COLEC11: variants seen among roughly 807,000 people sequenced by gnomAD.
COLEC11 encodes the protein collectin-11.
Under a neutral mutation model 27.3 loss-of-function variants are expected in COLEC11, and 20 were observed. The ratio of observed to expected loss-of-function variants is 0.73; its 90% confidence interval spans 0.51 to 1.06. The LOEUF (loss-of-function observed/expected upper bound fraction) is 1.06, where lower values mean the gene tolerates loss of function less well. Ranked by LOEUF, COLEC11 falls within the 50% of genes least tolerant of loss-of-function variation. COLEC11 has a pLI of 0.00. For synonymous variants in COLEC11, 163 were observed against 154.7 expected, an observed-to-expected ratio of 1.05 and a Z score of -0.40; for missense variants, 310 against 383.0, an observed-to-expected ratio of 0.81 and a Z score of 1.59.
At chr2:3,604,056 C>G in intron 1 of COLEC11, 1 of 584,230 alleles carries the variant, frequency 1.7e-6, no homozygotes. Context: ...GTGGGCGAGC[C>G]GTAGGCCTTC....
At chr2:3,631,222 C>T (rs904520980) in intron 3 of COLEC11, among the ~76,000 whole-genome samples, 6 of 151,266 alleles carry the variant, frequency 4.0e-5, no homozygotes, top group Non-Finnish European at 5.9e-5. Flanking sequence ...CAGAGCAAGA[C>T]TCTGTATCAA....
intron 3 of COLEC11, chr2:3,617,853 T>G: frequency 1.6e-6 from 1 of 613,132 alleles, no homozygotes; most frequent in South Asian, 2.0e-5. Context: ...CTCCAATGCT[T>G]AATCTCTTTT....
chr2:3,639,268 A>C (rs1665671770), intron 4 of COLEC11, among the ~76,000 whole-genome samples: 1 of 152,198 alleles, frequency 6.6e-6, no homozygotes, highest in African/African-American at 2.4e-5. Context: ...TTGCGTATTG[A>C]CTCACACATG....
intron 3 of COLEC11, among the ~76,000 whole-genome samples, chr2:3,633,840 C>T (rs111680997): frequency 3.4e-4 from 52 of 152,192 alleles, no homozygotes; most frequent in African/African-American, 1.3e-3. Context: ...AGGACCGGTG[C>T]GGTGGAGAGC....
intron 1 of COLEC11, chr2:3,603,841 G>A (rs527530162): frequency 8.4e-4 from 525 of 628,704 alleles, no homozygotes; most frequent in Non-Finnish European, 1.1e-3. Flanking sequence ...ATGTGGGGGC[G>A]TGGATTCCTT....
intron 3 of COLEC11, among the ~76,000 whole-genome samples, chr2:3,616,654 C>T (rs1663765781): frequency 6.6e-6 from 1 of 152,236 alleles, no homozygotes. Flanking sequence ...AGGCACTCTG[C>T]AGGCTGAGGC....
intron 1 of COLEC11, among the ~76,000 whole-genome samples, chr2:3,595,473 A>T (rs986734325): frequency 6.6e-6 from 1 of 152,230 alleles, no homozygotes; most frequent in Non-Finnish European, 1.5e-5. Flanking sequence ...CCCAAGGCCC[A>T]GGGGGCTAAA....
At chr2:3,627,383 ATGC>A (rs1220405145) in intron 3 of COLEC11, among the ~76,000 whole-genome samples, 4 of 136,474 alleles carry the variant, frequency 2.9e-5, no homozygotes, top group African/African-American at 6.5e-5. Flanking sequence ...TGGCATGGTG[ATGC>A]TGGGCACAAC....
intron 2 of COLEC11, among the ~76,000 whole-genome samples, chr2:3,612,142 A>G (rs1572408581): frequency 6.6e-6 from 1 of 152,220 alleles, no homozygotes; most frequent in East Asian, 1.9e-4. Context: ...AATTGTGCAG[A>G]GAGGGAAGGT....
chr2:3,600,933 G>C (rs770398562), intron 1 of COLEC11, among the ~76,000 whole-genome samples: 1 of 152,102 alleles, frequency 6.6e-6, no homozygotes, highest in Middle Eastern at 3.2e-3. Context: ...GACAATGCCC[G>C]GCCCCGTGAT....
intron 4 of COLEC11, among the ~76,000 whole-genome samples, chr2:3,639,887 G>GGCC (rs1274807279): frequency 2.6e-5 from 4 of 152,214 alleles, no homozygotes; most frequent in Admixed American, 1.3e-4. Flanking sequence ...AGGCCTGCGT[G>GGCC]GCGCTCCCAT....
intron 3 of COLEC11, among the ~76,000 whole-genome samples, chr2:3,631,209 C>T (rs752909248): frequency 6.7e-5 from 10 of 149,564 alleles, no homozygotes; most frequent in East Asian, 3.9e-4. Context: ...CCAGCCTGCA[C>T]GACAGAGCAA....
intron 2 of COLEC11, among the ~76,000 whole-genome samples, chr2:3,611,370 GT>G (rs1306930635): frequency 6.6e-6 from 1 of 152,188 alleles, no homozygotes; most frequent in Non-Finnish European, 1.5e-5. Context: ...GTGTGCTGTT[GT>G]TCCCGGACTG....
chr2:3,610,853 C>A (rs555401822), intron 2 of COLEC11, among the ~76,000 whole-genome samples: 3 of 152,252 alleles, frequency 2.0e-5, no homozygotes, highest in South Asian at 4.1e-4. Context: ...TTCTTGCGTC[C>A]GGTGTTGCTA....
chr2:3,610,899 A>G (rs1381270007), intron 2 of COLEC11, among the ~76,000 whole-genome samples: 2 of 152,124 alleles, frequency 1.3e-5, no homozygotes, highest in Non-Finnish European at 2.9e-5. Context: ...TCTCATTCAC[A>G]GGTATGCAGT....
intron 3 of COLEC11, among the ~76,000 whole-genome samples, chr2:3,620,351 C>T (rs1030753389): frequency 2.6e-5 from 4 of 151,902 alleles, no homozygotes; most frequent in African/African-American, 4.8e-5. Context: ...TATAATTATT[C>T]GTATTACTCT....
At chr2:3,604,928 G>A (rs1424744995) in intron 2 of COLEC11, 2 of 404,894 alleles carry the variant, frequency 4.9e-6, no homozygotes, top group East Asian at 1.5e-4. Context: ...AAAATCCCTG[G>A]TGGTCTAGTG....
intron 3 of COLEC11, among the ~76,000 whole-genome samples, chr2:3,625,625 CTTTTT>C (rs60222284): frequency 8.7e-5 from 8 of 91,454 alleles, no homozygotes; most frequent in East Asian, 3.6e-4. Context: ...TTCTTTTTTA[CTTTTT>C]TTTTTTTTTT....
intron 3 of COLEC11, among the ~76,000 whole-genome samples, chr2:3,621,949 C>T (rs569910889): frequency 4.7e-4 from 71 of 152,046 alleles, no homozygotes; most frequent in African/African-American, 1.6e-3. Flanking sequence ...GAGGCTGAGG[C>T]GGGTGGATCA....
Sources: gnomAD v4.1 joint callset for allele counts (sites outside exome capture counted in the v4.1 genomes callset) on GRCh38, gnomAD v4.1.1 for gene constraint, MANE v1.5 for transcripts, NCBI Gene and HGNC (gene_info 2026-07-23, HGNC 2026-07-21) for gene names.